ANO6: variants seen among roughly 807,000 people sequenced by gnomAD.
The protein encoded by ANO6 is anoctamin-6.
A neutral mutation model predicts 117.5 loss-of-function variants in ANO6; 106 were observed. The ratio of observed to expected loss-of-function variants is 0.90; its 90% CI spans 0.77 to 1.06. The LOEUF (loss-of-function observed/expected upper bound fraction) is 1.06, where lower values mean the gene tolerates loss of function less well. ANO6 is among the 50% of genes least tolerant of loss of function. ANO6 has a pLI of 0.00. For missense variants in ANO6, 955 were observed against 1,121.1 expected (o/e 0.85, Z 2.12); for synonymous variants, 367 against 385.1 (o/e 0.95, Z 0.55).
At chr12:45,313,460 T>G (rs1939910558) in intron 2 of ANO6, 1 of 152,026 alleles carries the variant, frequency 6.6e-6, no homozygotes, top group African/African-American at 2.4e-5. Context: ...ATATAGTGAA[T>G]AGTCTTATCT....
chr12:45,290,957 T>G (rs1456538910), intron 1 of ANO6, among the ~76,000 whole-genome samples: 1 of 152,098 alleles, frequency 6.6e-6, no homozygotes, highest in Non-Finnish European at 1.5e-5. Flanking sequence ...ACTAATGGAA[T>G]AGAATCAAGA....
Position 45,429,968 on chromosome 12 carries a change from T to C in ANO6, c.*657T>C, listed in dbSNP as rs1034664194. 5.7e-5 allele frequency: 56 copies of C among 987,158 alleles called. No individual in the cohort carries two copies. The Middle Eastern group carries it at 2.1e-3, about 37-fold the overall frequency. The allele number at this position is 987,158 out of a possible 1,614,324, so 61.1% of individuals were successfully genotyped here. A position where few individuals can be genotyped will look rare whatever the true frequency, so the allele number is the denominator to read the frequency against. On this transcript the variant is annotated 3_prime_UTR_variant, in exon 20 of 20. Transcript: ENST00000320560. ...ATAGCAAGGTTTTGAAGCATATTTG[T>C]CCTAATCCACAGTGACACTTTTTAT...
At chr12:45,229,744 C>A (rs571639009) in intron 1 of ANO6, among the ~76,000 whole-genome samples, 4 of 152,160 alleles carry the variant, frequency 2.6e-5, no homozygotes, top group African/African-American at 7.2e-5. Context: ...GACAGCTTAG[C>A]CTGGCTCTGC....
chr12:45,330,154 G>A (rs1302742677), intron 2 of ANO6, among the ~76,000 whole-genome samples: 1 of 152,068 alleles, frequency 6.6e-6, no homozygotes, highest in Non-Finnish European at 1.5e-5. Flanking sequence ...GAAAAAACCT[G>A]CCAATTAGGA....
At chr12:45,390,819 C>A (rs147855587) in intron 12 of ANO6, among the ~76,000 whole-genome samples, 2,448 of 152,236 alleles carry the variant, frequency 0.016, 39 homozygotes, top group Middle Eastern at 0.031. Flanking sequence ...TTTCCAACAG[C>A]AACAATCAAA....
chr12:45,241,067 T>C (rs935067784), intron 1 of ANO6, among the ~76,000 whole-genome samples: 19 of 152,226 alleles, frequency 1.2e-4, no homozygotes, highest in African/African-American at 4.6e-4. Context: ...TGTGGTGTTC[T>C]CTGTATTCCC....
At chr12:45,415,098 T>G (rs558861335) in intron 16 of ANO6, among the ~76,000 whole-genome samples, 41 of 152,174 alleles carry the variant, frequency 2.7e-4, no homozygotes, top group Non-Finnish European at 4.7e-4. Context: ...TTGGGATTAC[T>G]AACAGAATTT....
chr12:45,274,514 G>A (rs765887414), intron 1 of ANO6, among the ~76,000 whole-genome samples: 2 of 151,976 alleles, frequency 1.3e-5, no homozygotes, highest in Non-Finnish European at 2.9e-5. Context: ...CGGAGCCCAG[G>A]CCACTACTAA....
chr12:45,436,840 G>C (rs1428201876), downstream of ANO6, among the ~76,000 whole-genome samples: 1 of 152,030 alleles, frequency 6.6e-6, no homozygotes, highest in Admixed American at 6.6e-5. Flanking sequence ...GTGGTGGCAG[G>C]CACCTGTAAT....
At chr12:45,327,581 TG>T (rs896702606) in intron 2 of ANO6, among the ~76,000 whole-genome samples, 3 of 152,186 alleles carry the variant, frequency 2.0e-5, no homozygotes, top group African/African-American at 7.2e-5. Flanking sequence ...TTACACATGT[TG>T]TAAAGCTTTC....
intron 7 of ANO6, among the ~76,000 whole-genome samples, chr12:45,356,909 G>A (rs1050916976): frequency 6.6e-6 from 1 of 152,198 alleles, no homozygotes; most frequent in African/African-American, 2.4e-5. Flanking sequence ...AAATAACTGA[G>A]CAGATTGTTC....
intron 1 of ANO6, among the ~76,000 whole-genome samples, chr12:45,298,260 C>T (rs190919519): frequency 6.6e-6 from 1 of 152,240 alleles, no homozygotes; most frequent in Non-Finnish European, 1.5e-5. Flanking sequence ...CTGTATAAGG[C>T]TGAGGCATAG....
chr12:45,347,286 T>C, intron 4 of ANO6, 199 bp downstream of exon 4: 1 of 561,284 alleles, frequency 1.8e-6, no homozygotes, highest in Admixed American at 3.2e-5. Context: ...TCTTTTTTAA[T>C]AGCCAACGAA....
At chr12:45,412,682 C>T (rs1296793487) in intron 16 of ANO6, among the ~76,000 whole-genome samples, 1 of 152,162 alleles carries the variant, frequency 6.6e-6, no homozygotes, top group Non-Finnish European at 1.5e-5. Context: ...ATTTGCAGTC[C>T]TCCAGCTCTT....
chr12:45,403,017 A>T, intron 13 of ANO6, 55 bp from the exon 14 acceptor site: 1 of 1,500,332 alleles, frequency 6.7e-7, no homozygotes, highest in Non-Finnish European at 9.3e-7. Flanking sequence ...TTTTTATTAG[A>T]GTCTCAAAGC....
At chr12:45,334,726 C>T (rs774809001) in intron 3 of ANO6, among the ~76,000 whole-genome samples, 3 of 151,956 alleles carry the variant, frequency 2.0e-5, no homozygotes, top group African/African-American at 7.2e-5. Context: ...ATGGCTGTTC[C>T]GTAGGCAGCC....
intron 1 of ANO6, among the ~76,000 whole-genome samples, chr12:45,294,783 C>T (rs1939232744): frequency 6.6e-6 from 1 of 152,070 alleles, no homozygotes; most frequent in African/African-American, 2.4e-5. Flanking sequence ...TTAATGTTAT[C>T]CCTTTCTATG....
rs564174917 is a variant in ANO6 at position 45,410,991 on chromosome 12, G to A, written c.2011+1504G>A. ...AGGGTGTAGCTGCAGTACATATGTA[G>A]AAGCTGTCCTTAGTTAGTTATTATT... On this transcript the variant is annotated intron_variant, in intron 16 of 19. Coordinates refer to ENST00000320560, the MANE Select transcript of ANO6 (RefSeq NM_001025356.3). Among the ~76,000 whole-genome samples the A allele has an allele frequency of 2.3e-4, 35 of 152,304 alleles. No homozygotes were observed. The South Asian group carries it at 7.3e-3, about 32-fold the overall frequency.
chr12:45,225,436 C>T (rs1437958887), intron 1 of ANO6, among the ~76,000 whole-genome samples: 3 of 151,784 alleles, frequency 2.0e-5, no homozygotes, highest in Non-Finnish European at 2.9e-5. Flanking sequence ...GCCTGAATAT[C>T]GTAATGTTTT....
Sources: gnomAD v4.1 joint callset for allele counts (sites outside exome capture counted in the v4.1 genomes callset) on GRCh38, gnomAD v4.1.1 for gene constraint, MANE v1.5 for transcripts, NCBI Gene and HGNC (gene_info 2026-07-23, HGNC 2026-07-21) for gene names.